Variants in MPP3 observed in about 807,000 individuals in gnomAD.
MPP3 encodes MAGUK p55 scaffold protein 3.
Under a neutral mutation model 80.7 loss-of-function variants are expected in MPP3, and 48 were observed. The ratio of observed to expected loss-of-function variants is 0.59; its 90% CI spans 0.47 to 0.76. The LOEUF (loss-of-function observed/expected upper bound fraction) is 0.76. MPP3 is among the 30% of genes least tolerant of loss of function. The pLI, the probability that MPP3 is intolerant of heterozygous loss-of-function variation, is 0.00. For synonymous variants in MPP3, 311 were observed against 297.6 expected (o/e 1.04, Z -0.46); for missense variants, 620 against 763.0 (o/e 0.81, Z 2.21).
chr17:43,815,494 CAGG>C (rs984213773), intron 14 of MPP3, among the ~76,000 whole-genome samples: 1 of 152,046 alleles, frequency 6.6e-6, no homozygotes, highest in African/African-American at 2.4e-5. Flanking sequence ...CCCAGCTACT[CAGG>C]AGGCTGAGGT....
chr17:43,804,450 CTT>C (rs2154591082), intron 19 of MPP3, among the ~76,000 whole-genome samples: 1 of 152,280 alleles, frequency 6.6e-6, no homozygotes, highest in African/African-American at 2.4e-5. Flanking sequence ...AGAAAATAGT[CTT>C]TTCAACCAGT....
intron 14 of MPP3, 133 bp from the exon 15 acceptor site, chr17:43,814,494 G>T: frequency 1.3e-6 from 1 of 796,470 alleles, no homozygotes; most frequent in South Asian, 2.1e-5. Flanking sequence ...ACCTCCTCCT[G>T]CTACTGGAAG....
chr17:43,820,393 G>A (rs1410174738), intron 11 of MPP3, among the ~76,000 whole-genome samples: 1 of 152,064 alleles, frequency 6.6e-6, no homozygotes. Flanking sequence ...TTGAGGCCAG[G>A]AGTTTGAGAC....
chr17:43,814,482 C>A, intron 14 of MPP3, 121 bp from the exon 15 acceptor site: 2 of 915,808 alleles, frequency 2.2e-6, no homozygotes, highest in Non-Finnish European at 3.2e-6. Flanking sequence ...TGACTTCTCC[C>A]AACCTCCTCC....
At chr17:43,826,914 C>A (rs964277670) in intron 8 of MPP3, among the ~76,000 whole-genome samples, 3 of 151,386 alleles carry the variant, frequency 2.0e-5, no homozygotes, top group Non-Finnish European at 4.4e-5. Context: ...CGGCTCACTG[C>A]AACCTCAAAC....
At chr17:43,814,471 C>G in intron 14 of MPP3, 110 bp from the exon 15 acceptor site, 1 of 1,088,118 alleles carries the variant, frequency 9.2e-7, no homozygotes, top group Non-Finnish European at 1.3e-6. Flanking sequence ...CTGAGTCCCA[C>G]TGACTTCTCC....
At chr17:43,820,617 C>T (rs1041220233) in intron 11 of MPP3, among the ~76,000 whole-genome samples, 2 of 148,994 alleles carry the variant, frequency 1.3e-5, no homozygotes, top group African/African-American at 5.0e-5. Flanking sequence ...CACACACACA[C>T]ACACACACAC....
At chr17:43,815,874 G>T in intron 14 of MPP3, 164 bp downstream of exon 14, 1 of 725,038 alleles carries the variant, frequency 1.4e-6, no homozygotes, top group Non-Finnish European at 2.3e-6. Flanking sequence ...GGCAGGCTCA[G>T]CTCCTGCTTG....
In MPP3 at chr17:43,830,098, C is replaced by A; in HGVS notation, c.232G>T (p.Glu78Ter). ...AVALAEDVME[E>*]LQAASVHSDE... The stretch of plus-strand genomic sequence containing the variant: ...CTGTGCACGGAGGCGGCCTGCAACT[C>A]CTCCATCACCTGCAGAGAATGAGAC... Residue 78 changes from glutamate (E) to a stop codon, truncating the protein, a stop_gained, in exon 6 of 20, where the codon GAG (glutamate) becomes TAG (stop). Coordinates refer to ENST00000398389, the MANE Select transcript of MPP3 (RefSeq NM_001932.6). LOFTEE classifies it high-confidence loss of function. 1.3e-6 allele frequency: 2 copies of A among 1,541,352 alleles called. No individual in the cohort carries two copies. Among genetic ancestry groups the A allele is most frequent in the Non-Finnish European group, 1.7e-6 (2 of 1,145,036 alleles).
chr17:43,831,159 C>A, intron 5 of MPP3, 85 bp downstream of exon 5: 1 of 1,307,484 alleles, frequency 7.6e-7, no homozygotes. Flanking sequence ...CCCGGTGTCC[C>A]CACACTAAGC....
At chr17:43,804,007 C>T (rs1948565452) in intron 19 of MPP3, among the ~76,000 whole-genome samples, 1 of 152,178 alleles carries the variant, frequency 6.6e-6, no homozygotes, top group African/African-American at 2.4e-5. Context: ...CTTGAAATAA[C>T]AACCATGGGC....
chr17:43,811,149 A>T lies in MPP3; in HGVS notation c.1312T>A (p.Ser438Thr). 1 of 1,614,188 alleles carries T rather than the reference A, an allele frequency of 6.2e-7. No homozygotes were observed. Among genetic ancestry groups the T allele is most frequent in the Non-Finnish European group, 8.5e-7 (1 of 1,180,022 alleles). ...EKEGVEYHFV[S>T]KQAFEADLHH... ...AAGTCGGCCTCAAATGCTTGCTTAGACACAAAGTGATATTCCACTCCTTCC... is the reference window on the plus strand; with the variant it reads ...AAGTCGGCCTCAAATGCTTGCTTAGTCACAAAGTGATATTCCACTCCTTCC... Residue 438 changes from serine to threonine, a missense_variant, in exon 17 of 20, where the codon TCT becomes ACT. By Grantham distance (58) the Ser-to-Thr change is moderately conservative (BLOSUM62 1). Transcript: ENST00000398389.
At chr17:43,824,880 T>G (rs1405178558) in intron 9 of MPP3, among the ~76,000 whole-genome samples, 1 of 152,120 alleles carries the variant, frequency 6.6e-6, no homozygotes, top group Non-Finnish European at 1.5e-5. Flanking sequence ...GTTCAAGCAA[T>G]TCTCCTGCCT....
At position 43,801,631 on chromosome 17, in the gene MPP3, T is replaced by C. The variant is rs1010931740; in HGVS notation, c.*70A>G. On this transcript the variant is annotated 3_prime_UTR_variant, in exon 20 of 20. Transcript: ENST00000398389. The stretch of plus-strand genomic sequence containing the variant: ...CCTCTCTGCGCTTGAGATTCCTTGA[T>C]GGTAAAATGAGGGAGTCTGGACTAG... The C allele has an allele frequency of 1.4e-6, 2 of 1,429,122 alleles. No individual in the cohort carries two copies. The highest frequency in any genetic ancestry group is 2.0e-6 in the Non-Finnish European group (2 of 1,023,576). 88.5% of individuals were successfully genotyped at this position (1,429,122 alleles called of 1,614,324 possible). A position where few individuals can be genotyped will look rare whatever the true frequency, so the allele number is the denominator to read the frequency against.
chr17:43,816,122 G>T lies in MPP3; in HGVS notation c.968-43C>A, dbSNP rs1293867533. 3 of 1,491,800 alleles carry T rather than the reference G, an allele frequency of 2.0e-6. No homozygotes were observed. The Admixed American group carries it at 8.4e-5, about 42-fold the overall frequency. The allele number at this position is 1,491,800 out of a possible 1,614,324, so 92.4% of individuals were successfully genotyped here. A position where few individuals can be genotyped will look rare whatever the true frequency, so the allele number is the denominator to read the frequency against. On this transcript the variant is annotated intron_variant, in intron 13 of 19. Transcript: ENST00000398389. ...GGAGGGAAGCCAGTGAGTCCCACCAGACACATCCGGCCCAGGGCACCCAGC... is the reference window on the plus strand; with the variant it reads ...GGAGGGAAGCCAGTGAGTCCCACCATACACATCCGGCCCAGGGCACCCAGC...
At position 43,801,875 on chromosome 17, in the gene MPP3, A is replaced by G. The variant is rs1245449273; in HGVS notation, c.1584T>C (p.Asp528=). ...PACEDTAAPF[D]EQQQEMAASA... The stretch of plus-strand genomic sequence containing the variant: ...AAGCGGCCATCTCTTGCTGCTGCTC[A>G]TCCTGCAAGGAAAGGGGTGGTAAAA... Residue 528 remains aspartate (D), a splice_region_variant and synonymous_variant, in exon 20 of 20, where the codon GAT becomes GAC. Coordinates refer to ENST00000398389, the MANE Select transcript of MPP3 (RefSeq NM_001932.6). 1 of 1,611,168 alleles carries G rather than the reference A, an allele frequency of 6.2e-7. No individual in the cohort carries two copies. Among genetic ancestry groups the G allele is most frequent in the Non-Finnish European group, 8.5e-7 (1 of 1,178,976 alleles).
At chr17:43,824,097 A>G in intron 9 of MPP3, 92 bp from the exon 10 acceptor site, 1 of 900,412 alleles carries the variant, frequency 1.1e-6, no homozygotes. Context: ...ACTGATGTTC[A>G]GAAAGTCAGA....
intron 11 of MPP3, among the ~76,000 whole-genome samples, chr17:43,820,639 C>CACACACACACACACACACACACACAT (rs796095687): frequency 1.4e-4 from 20 of 145,382 alleles, no homozygotes; most frequent in Non-Finnish European, 1.8e-4. Context: ...CACACACACA[C>CACACACACACACACACACACACACAT]ATTAACTTAA....
intron 19 of MPP3, among the ~76,000 whole-genome samples, chr17:43,804,277 C>A (rs1271399260): frequency 6.6e-6 from 1 of 152,098 alleles, no homozygotes; most frequent in Non-Finnish European, 1.5e-5. Flanking sequence ...CTTGAAAAAC[C>A]TGACTTCAAA....
Sources: gnomAD v4.1 joint callset for allele counts (sites outside exome capture counted in the v4.1 genomes callset) on GRCh38, gnomAD v4.1.1 for gene constraint, MANE v1.5 for transcripts, NCBI Gene and HGNC (gene_info 2026-07-23, HGNC 2026-07-21) for gene names.